DPF3: variants seen among roughly 807,000 people sequenced by gnomAD.
The protein encoded by DPF3 is zinc finger protein DPF3.
A neutral mutation model predicts 56.8 loss-of-function variants in DPF3; 18 were observed. The observed-to-expected ratio is 0.32, with a 90% confidence interval of 0.22 to 0.47. The LOEUF (loss-of-function observed/expected upper bound fraction) is 0.47, where lower values mean the gene tolerates loss of function less well. Among genes scored for constraint, DPF3 ranks in the 20% least tolerant of loss-of-function variants. DPF3 has a pLI of 1.00. For synonymous variants in DPF3, 188 were observed against 180.2 expected, an observed-to-expected ratio of 1.04 and a Z score of -0.35; for missense variants, 403 against 488.8, an observed-to-expected ratio of 0.82 and a Z score of 1.65.
At chr14:72,649,851 C>A (rs1885851102) in intron 8 of DPF3, among the ~76,000 whole-genome samples, 1 of 152,216 alleles carries the variant, frequency 6.6e-6, no homozygotes, top group Non-Finnish European at 1.5e-5. Context: ...GACAACCCAG[C>A]CAACTGCTGG....
intron 1 of DPF3, among the ~76,000 whole-genome samples, chr14:72,823,380 G>A (rs980132230): frequency 6.6e-6 from 1 of 152,202 alleles, no homozygotes; most frequent in East Asian, 1.9e-4. Flanking sequence ...GAGAGAAGGA[G>A]ACCTTCACTG....
At chr14:72,855,759 G>A (rs1262225307) in intron 1 of DPF3, among the ~76,000 whole-genome samples, 1 of 152,184 alleles carries the variant, frequency 6.6e-6, no homozygotes, top group Non-Finnish European at 1.5e-5. Context: ...CCACATATAA[G>A]TTCCATCCAA....
intron 8 of DPF3, among the ~76,000 whole-genome samples, chr14:72,647,016 G>GCT (rs1885747365): frequency 6.6e-6 from 1 of 152,184 alleles, no homozygotes; most frequent in Non-Finnish European, 1.5e-5. Context: ...TTGCACATCA[G>GCT]CAAGCTGCTC....
intron 1 of DPF3, among the ~76,000 whole-genome samples, chr14:72,795,821 G>A (rs948418066): frequency 2.8e-4 from 43 of 152,252 alleles, no homozygotes; most frequent in African/African-American, 8.9e-4. Context: ...TTTACTTTCC[G>A]CAGAAAGAAG....
At chr14:72,699,343 G>T (rs1001266590) in intron 6 of DPF3, among the ~76,000 whole-genome samples, 2 of 151,824 alleles carry the variant, frequency 1.3e-5, no homozygotes, top group Non-Finnish European at 2.9e-5. Flanking sequence ...AACATAGCAA[G>T]GCCCCATCTC....
intron 1 of DPF3, among the ~76,000 whole-genome samples, chr14:72,790,041 C>T (rs952670480): frequency 6.6e-6 from 1 of 152,082 alleles, no homozygotes; most frequent in East Asian, 1.9e-4. Flanking sequence ...TGCTTGAGCC[C>T]AGGAGTTCAA....
rs116468389 is a variant in DPF3, at chr14:72,734,797, C to T, written c.302-2863G>A. 3.4e-3 allele frequency among the ~76,000 whole-genome samples: 512 copies of T among 152,232 alleles called. 6 individuals carry two copies. The highest frequency in any genetic ancestry group is 0.012 in the African/African-American group (482 of 41,534). On this transcript the variant is annotated intron_variant, in intron 3 of 10. Coordinates refer to ENST00000556509, the MANE Select transcript of DPF3 (RefSeq NM_001280542.3). The stretch of plus-strand genomic sequence containing the variant: ...TATTTCCAAGTTGCCACTGAAATCA[C>T]GACAATGGCCCCCTCTCATTGTATT...
intron 2 of DPF3, among the ~76,000 whole-genome samples, chr14:72,760,122 C>A (rs868726735): frequency 6.6e-6 from 1 of 152,252 alleles, no homozygotes; most frequent in African/African-American, 2.4e-5. Context: ...AATAATTATA[C>A]GAGATGTTTT....
intron 6 of DPF3, among the ~76,000 whole-genome samples, chr14:72,699,528 A>G (rs1888069225): frequency 6.6e-6 from 1 of 151,816 alleles, no homozygotes; most frequent in African/African-American, 2.4e-5. Flanking sequence ...AAAAAAAAAA[A>G]AAAAAAAAAA....
intron 6 of DPF3, among the ~76,000 whole-genome samples, chr14:72,696,083 G>A (rs1887887793): frequency 6.6e-6 from 1 of 152,016 alleles, no homozygotes; most frequent in Non-Finnish European, 1.5e-5. Flanking sequence ...CAAATTATGG[G>A]GTCATTGCAT....
At position 72,613,282 on chromosome 14, in the gene DPF3, C is replaced by T. The variant is rs1440972478; in HGVS notation, c.*6015G>A. ...CCTGCCCTCCCGTCCCCACCATGGC[C>T]GCGTTTATTTGCTAGACAGGGTTGG... On this transcript the variant is annotated 3_prime_UTR_variant, in exon 11 of 11. Transcript: ENST00000556509. 5.3e-5 allele frequency among the ~76,000 whole-genome samples: 8 copies of T among 152,118 alleles called. No homozygotes were observed. In the East Asian group the frequency reaches 7.7e-4, roughly 15 times the overall value.
chr14:72,788,804 G>GT (rs1892315633), intron 1 of DPF3, among the ~76,000 whole-genome samples: 1 of 152,234 alleles, frequency 6.6e-6, no homozygotes, highest in African/African-American at 2.4e-5. Flanking sequence ...TCCCTTATCA[G>GT]TAGATATGAG....
chr14:72,776,026 A>T (rs1458205399), intron 1 of DPF3, among the ~76,000 whole-genome samples: 1 of 150,566 alleles, frequency 6.6e-6, no homozygotes, highest in Non-Finnish European at 1.5e-5. Flanking sequence ...GGATCCCAGG[A>T]GTGACATTTA....
chr14:72,875,336 G>T (rs571929882), intron 1 of DPF3, among the ~76,000 whole-genome samples: 2 of 152,168 alleles, frequency 1.3e-5, no homozygotes, highest in African/African-American at 4.8e-5. Context: ...GAGCCTGGGA[G>T]GTCGAGGCTG....
chr14:72,756,937 AG>A lies in DPF3; in HGVS notation c.194-3567del, dbSNP rs370245234. ...AAGAAAGAAAGAAAGAAAGAAGAGA[AG>A]AGAAGAGAAAGGGAGAGGGAAAGAG... is the stretch of plus-strand genomic sequence containing the variant. On this transcript the variant is annotated intron_variant, in intron 2 of 10. Coordinates refer to ENST00000556509, the MANE Select transcript of DPF3 (RefSeq NM_001280542.3). Among the ~76,000 whole-genome samples, 479 of 145,842 alleles carry A rather than the reference AG, an allele frequency of 3.3e-3. 3 individuals carry two copies. The highest frequency in any genetic ancestry group is 8.7e-3 in the South Asian group (37 of 4,256).
chr14:72,849,024 G>A (rs971973070), intron 1 of DPF3, among the ~76,000 whole-genome samples: 1 of 152,136 alleles, frequency 6.6e-6, no homozygotes, highest in Non-Finnish European at 1.5e-5. Context: ...AATATCTCCA[G>A]ATGAACAAAC....
At chr14:72,624,083 T>C (rs938158957) in intron 9 of DPF3, among the ~76,000 whole-genome samples, 6 of 152,174 alleles carry the variant, frequency 3.9e-5, no homozygotes, top group African/African-American at 1.4e-4. Context: ...ACATATTTTT[T>C]AAAACCTTAG....
chr14:72,802,634 A>G (rs969730645), intron 1 of DPF3, among the ~76,000 whole-genome samples: 3 of 152,210 alleles, frequency 2.0e-5, no homozygotes, highest in Admixed American at 1.3e-4. Flanking sequence ...ATGGATTTCC[A>G]GCCCTGGAAA....
intron 8 of DPF3, among the ~76,000 whole-genome samples, chr14:72,641,776 C>A (rs1885572236): frequency 6.6e-6 from 1 of 152,228 alleles, no homozygotes; most frequent in Non-Finnish European, 1.5e-5. Flanking sequence ...CTATTCCCCT[C>A]TTCTTGAATG....
Sources: allele counts gnomAD v4.1 joint callset (sites outside exome capture counted in the v4.1 genomes callset), GRCh38; gene constraint gnomAD v4.1.1; transcripts MANE v1.5; gene names NCBI Gene and HGNC (gene_info 2026-07-23, HGNC 2026-07-21).